SH2B3: variants seen among roughly 807,000 people sequenced by gnomAD.
SH2B3 encodes SH2B adapter protein 3.
In SH2B3, 43 loss-of-function variants were observed where a neutral mutation model predicts 51.9. That is an observed-to-expected ratio of 0.83 (90% CI 0.65 to 1.07). SH2B3 has a LOEUF of 1.07. SH2B3 is among the 50% of genes least tolerant of loss of function. SH2B3 has a pLI of 0.00. For missense variants in SH2B3, 952 were observed against 834.3 expected, an observed-to-expected ratio of 1.14 and a Z score of -1.74; for synonymous variants, 396 against 376.0, an observed-to-expected ratio of 1.05 and a Z score of -0.62.
At chr12:111,437,220 G>C (rs868866957) in intron 2 of SH2B3, among the ~76,000 whole-genome samples, 13 of 152,300 alleles carry the variant, frequency 8.5e-5, no homozygotes, top group Admixed American at 3.9e-4. Flanking sequence ...CTTGGGTAGG[G>C]GCCTGGGACC....
At position 111,449,558 on chromosome 12, in the gene SH2B3, T is replaced by C. The variant is rs369388169; in HGVS notation, c.*1256T>C. On this transcript the variant is annotated 3_prime_UTR_variant, in exon 8 of 8. Transcript: ENST00000341259. ...CATCCAGGGAGGTCCTGAAGTCAAA[T>C]CTCTATCTATACAAGTGATACAATT... 6 of 152,270 alleles carry C rather than the reference T, an allele frequency of 3.9e-5. No individual in the cohort carries two copies. Among genetic ancestry groups the C allele is most frequent in the African/African-American group, 1.4e-4 (6 of 41,532 alleles). 9.4% of individuals were successfully genotyped at this position (152,270 alleles called of 1,614,324 possible).
rs1178875504 is a variant in SH2B3, at chr12:111,449,116, G to A, written c.*814G>A. ...AGAAGTGAAGTATGTCACCCTTTCAGGGAAATTCAGGCAATTACTGAAATA... is the reference window on the plus strand; with the variant it reads ...AGAAGTGAAGTATGTCACCCTTTCAAGGAAATTCAGGCAATTACTGAAATA... On this transcript the variant is annotated 3_prime_UTR_variant, in exon 8 of 8. Coordinates refer to ENST00000341259, the MANE Select transcript of SH2B3 (RefSeq NM_005475.3). 6.6e-6 allele frequency: 1 copy of A among 152,596 alleles called. No individual in the cohort carries two copies. Among genetic ancestry groups the A allele is most frequent in the African/African-American group, 2.4e-5 (1 of 41,444 alleles). 9.5% of individuals were successfully genotyped at this position (152,596 alleles called of 1,614,324 possible). A position where few individuals can be genotyped will look rare whatever the true frequency, so the allele number is the denominator to read the frequency against.
chr12:111,447,042 C>T lies in SH2B3; in HGVS notation c.926+9C>T. ...GAGTGCACAGGCCGAGGGTGAGGTC[C>T]TGGGCCCTCGTCCCTGGCACCACCT... On this transcript the variant is annotated intron_variant, in intron 4 of 7. Transcript: ENST00000341259. 8 of 1,613,084 alleles carry T rather than the reference C, an allele frequency of 5.0e-6. No individual in the cohort carries two copies. Among genetic ancestry groups the T allele is most frequent in the Non-Finnish European group, 6.8e-6 (8 of 1,179,062 alleles).
chr12:111,440,904 C>A, intron 2 of SH2B3, among the ~76,000 whole-genome samples: 1 of 152,190 alleles, frequency 6.6e-6, no homozygotes, highest in Non-Finnish European at 1.5e-5. Flanking sequence ...CCTGCCTTAC[C>A]ATTCCCCTGA....
rs1272535016 is a variant in SH2B3, at chr12:111,450,461, G to A, written c.*2159G>A. On this transcript the variant is annotated 3_prime_UTR_variant, in exon 8 of 8. Coordinates refer to ENST00000341259, the MANE Select transcript of SH2B3 (RefSeq NM_005475.3). ...AGTCACTGGTCCTCCCCTCCGCACA[G>A]GAAAGGTACCCAGTAGATAATGAAC... The A allele has an allele frequency of 1.3e-5, 2 of 152,210 alleles. No individual in the cohort carries two copies. The highest frequency in any genetic ancestry group is 2.9e-5 in the Non-Finnish European group (2 of 68,036). The allele number at this position is 152,210 out of a possible 1,614,324, so 9.4% of individuals were successfully genotyped here.
In SH2B3 at chr12:111,410,399, C is replaced by T. The variant is rs764251555; in HGVS notation, c.-28+4122C>T. Among the ~76,000 whole-genome samples the T allele has an allele frequency of 3.9e-5, 6 of 152,084 alleles. No individual in the cohort carries two copies. The highest frequency in any genetic ancestry group is 7.4e-5 in the Non-Finnish European group (5 of 67,948). ...GGGAGGAGGTTCACCCACAGGCTGCCCTCCTAGGGTCTCCCCTGTCTGCCC... is the reference window on the plus strand; with the variant it reads ...GGGAGGAGGTTCACCCACAGGCTGCTCTCCTAGGGTCTCCCCTGTCTGCCC... On this transcript the variant is annotated intron_variant, in intron 1 of 7. Transcript: ENST00000341259. The surrounding 1 kb of genome is among the most constrained non-coding windows in gnomAD (Gnocchi z 4.9).
Position 111,435,109 on chromosome 12 carries a change from C to A in SH2B3, c.733-11644C>A. 1 of 1,121,188 alleles carries A rather than the reference C, an allele frequency of 8.9e-7. No homozygotes were observed. Among genetic ancestry groups the A allele is most frequent in the South Asian group, 1.4e-5 (1 of 70,692 alleles). 69.5% of individuals were successfully genotyped at this position (1,121,188 alleles called of 1,614,324 possible). On this transcript the variant is annotated intron_variant, in intron 2 of 7. Transcript: ENST00000341259. This position sits in a 1 kb window ranked among gnomAD's most constrained non-coding sequence, Gnocchi z 4.8. ...CTCTCCTCTGGTGCACTCTCCCCAC[C>A]CGAGACGGGCGACAGAGGTTTTTTG... is the stretch of plus-strand genomic sequence containing the variant.
rs1283954664 is a variant in SH2B3 at position 111,418,558 on chromosome 12, T to G, written c.413T>G (p.Phe138Cys). The change falls in exon 2 of 8, where the codon TTT becomes TGT. Residue 138 changes from phenylalanine to cysteine, a missense_variant. By Grantham distance (205) the Phe-to-Cys change is radical (BLOSUM62 -2). Transcript: ENST00000341259. The surrounding 1 kb of genome is among the most constrained non-coding windows in gnomAD (Gnocchi z 6.7). ...CCCGGGCCCTGCTCCTTCCAGCACT[T>G]TCGCCGCAGCCTCCGCCACATCTTC... is the stretch of plus-strand genomic sequence containing the variant. The part of the protein sequence containing the change: ...RPPGPCSFQH[F>C]RRSLRHIFRR... 5.0e-5 allele frequency: 74 copies of G among 1,470,456 alleles called. No individual in the cohort carries two copies. Among genetic ancestry groups the G allele is most frequent in the Non-Finnish European group, 6.6e-5 (74 of 1,116,332 alleles). 91.1% of individuals were successfully genotyped at this position (1,470,456 alleles called of 1,614,324 possible). A position where few individuals can be genotyped will look rare whatever the true frequency, so the allele number is the denominator to read the frequency against.
At chr12:111,417,824 A>G (rs968106388) in intron 1 of SH2B3, among the ~76,000 whole-genome samples, 39 of 152,188 alleles carry the variant, frequency 2.6e-4, no homozygotes, top group African/African-American at 9.2e-4. Flanking sequence ...GAAAATTTTT[A>G]TCATAAAGAT....
chr12:111,411,033 T>C (rs1279947495), intron 1 of SH2B3, among the ~76,000 whole-genome samples: 1 of 152,134 alleles, frequency 6.6e-6, no homozygotes, highest in Non-Finnish European at 1.5e-5. Flanking sequence ...GTGGAGGCTC[T>C]GGACTGGCCC....
upstream of SH2B3, among the ~76,000 whole-genome samples, chr12:111,405,731 C>A (rs1268373141): frequency 6.6e-6 from 1 of 152,242 alleles, no homozygotes; most frequent in African/African-American, 2.4e-5. The surrounding 1 kb of genome is among the most constrained non-coding windows in gnomAD (Gnocchi z 5.4). Context: ...GCCCTCCGAC[C>A]CTGGCAGCCG....
chr12:111,443,475 G>C (rs1052135631), intron 2 of SH2B3: 2 of 152,248 alleles, frequency 1.3e-5, no homozygotes, highest in Non-Finnish European at 2.9e-5. Flanking sequence ...CAAGTAGTTG[G>C]TTGTGTTGTC....
chr12:111,416,736 C>G (rs979257769), intron 1 of SH2B3, among the ~76,000 whole-genome samples: 10 of 151,732 alleles, frequency 6.6e-5, no homozygotes, highest in Admixed American at 6.6e-4. Context: ...TCAAGTAATC[C>G]ACCTGCCTCG....
Position 111,410,105 on chromosome 12 carries a change from G to T in SH2B3, c.-28+3828G>T, listed in dbSNP as rs1445521762. Among the ~76,000 whole-genome samples, 1 of 152,180 alleles carries T rather than the reference G, an allele frequency of 6.6e-6. No homozygotes were observed. Among genetic ancestry groups the T allele is most frequent in the Non-Finnish European group, 1.5e-5 (1 of 68,012 alleles). ...TGCTGCCCAGGACATGTGTCCCCAG[G>T]GAGGCCTGGGAGGAAGGAAGTCTAT... On this transcript the variant is annotated intron_variant, in intron 1 of 7. Coordinates refer to ENST00000341259, the MANE Select transcript of SH2B3 (RefSeq NM_005475.3). This position sits in a 1 kb window ranked among gnomAD's most constrained non-coding sequence, Gnocchi z 4.9.
intron 2 of SH2B3, among the ~76,000 whole-genome samples, chr12:111,425,070 G>T (rs191827643): frequency 1.4e-3 from 209 of 152,284 alleles, no homozygotes; most frequent in African/African-American, 4.8e-3. Flanking sequence ...GGCCAGGTGG[G>T]CTCAGCCCAC....
In SH2B3 at chr12:111,444,681, C is replaced by A. The variant is rs2238154; in HGVS notation, c.733-2072C>A. On this transcript the variant is annotated intron_variant, in intron 2 of 7. Transcript: ENST00000341259. The stretch of plus-strand genomic sequence containing the variant: ...CCCCAGGTTTGAGCTTGTCTCCCCT[C>A]TCACCCATCCCCCCATATAGCTTAA... The A allele has an allele frequency of 0.25, 245,159 of 973,640 alleles. 39,692 individuals carry two copies. Among genetic ancestry groups the A allele is most frequent in the East Asian group, 0.9 (7,843 of 8,750 alleles). The allele number at this position is 973,640 out of a possible 1,614,324, so 60.3% of individuals were successfully genotyped here. A position where few individuals can be genotyped will look rare whatever the true frequency, so the allele number is the denominator to read the frequency against.
In SH2B3 at chr12:111,410,040, C is replaced by T. The variant is rs1348325684; in HGVS notation, c.-28+3763C>T. Among the ~76,000 whole-genome samples the T allele has an allele frequency of 6.6e-6, 1 of 152,202 alleles. No individual in the cohort carries two copies. The highest frequency in any genetic ancestry group is 2.4e-5 in the African/African-American group (1 of 41,454). On this transcript the variant is annotated intron_variant, in intron 1 of 7. Coordinates refer to ENST00000341259, the MANE Select transcript of SH2B3 (RefSeq NM_005475.3). The surrounding 1 kb of genome is among the most constrained non-coding windows in gnomAD (Gnocchi z 4.9). ...GGCCTGGAGCCCCTGGGGGCCCACC[C>T]GGATGTGGCTACCCCCCGGCTGGCC...
Position 111,434,771 on chromosome 12 carries a change from G to A in SH2B3, c.733-11982G>A, listed in dbSNP as rs1285280995. The A allele has an allele frequency of 2.7e-6, 4 of 1,458,560 alleles. No homozygotes were observed. In the Admixed American group the frequency reaches 9.6e-5, roughly 35 times the overall value. The allele number at this position is 1,458,560 out of a possible 1,614,324, so 90.4% of individuals were successfully genotyped here. On this transcript the variant is annotated intron_variant, in intron 2 of 7. Coordinates refer to ENST00000341259, the MANE Select transcript of SH2B3 (RefSeq NM_005475.3). ...AGCTGGCTTTTGTTATGGGTGGCTG[G>A]TGTGATTTCCTGTTGTTTTGTGATG... is the stretch of plus-strand genomic sequence containing the variant.
rs1874362587 is a variant in SH2B3 at position 111,449,219 on chromosome 12, GATAGTTAAATT to G, written c.*919_*929del. ...TTCTGGTTTACAGCAGCTTTACAGT[GATAGTTAAATT>G]AACTGGGGCTAGGGGAAGAGCAAGC... On this transcript the variant is annotated 3_prime_UTR_variant, in exon 8 of 8. Transcript: ENST00000341259. 1 of 152,590 alleles carries G rather than the reference GATAGTTAAATT, an allele frequency of 6.6e-6. No individual in the cohort carries two copies. The highest frequency in any genetic ancestry group is 1.5e-5 in the Non-Finnish European group (1 of 68,046). The allele number at this position is 152,590 out of a possible 1,614,324, so 9.5% of individuals were successfully genotyped here.
Sources: allele counts gnomAD v4.1 joint callset (sites outside exome capture counted in the v4.1 genomes callset), GRCh38; gene constraint gnomAD v4.1.1; non-coding constraint Gnocchi (gnomAD v3.1); transcripts MANE v1.5; gene names NCBI Gene and HGNC (gene_info 2026-07-23, HGNC 2026-07-21).